TMTC4: variants seen among roughly 807,000 people sequenced by gnomAD.
TMTC4 encodes the protein transmembrane O-mannosyltransferase targeting cadherins 4.
Under a neutral mutation model 86.0 loss-of-function variants are expected in TMTC4, and 65 were observed. The ratio of observed to expected loss-of-function variants is 0.76; its 90% CI spans 0.62 to 0.93. The LOEUF is 0.93. TMTC4 is among the 40% of genes least tolerant of loss of function. TMTC4 has a pLI of 0.00. For synonymous variants in TMTC4, 379 were observed against 382.5 expected, an observed-to-expected ratio of 0.99 and a Z score of 0.11; for missense variants, 866 against 948.1, an observed-to-expected ratio of 0.91 and a Z score of 1.14.
At position 100,655,114 on chromosome 13, in the gene TMTC4, C is replaced by T. The variant is rs561824128; in HGVS notation, c.640+1267G>A. 2.3e-3 allele frequency among the ~76,000 whole-genome samples: 346 copies of T among 151,484 alleles called. 3 individuals are homozygous for T. Among genetic ancestry groups the T allele is most frequent in the Non-Finnish European group, 2.3e-3 (159 of 67,904 alleles). On this transcript the variant is annotated intron_variant, in intron 6 of 18. Coordinates refer to ENST00000342624, the MANE Select transcript of TMTC4 (RefSeq NM_032813.5). ...TCGGCTCACTGCAGCCTCCGCCTCC[C>T]GGGTTCAAACGATTCTCCTGCCTCA... is the stretch of plus-strand genomic sequence containing the variant.
chr13:100,641,162 C>T (rs992596336), intron 7 of TMTC4, among the ~76,000 whole-genome samples: 6 of 152,200 alleles, frequency 3.9e-5, no homozygotes, highest in African/African-American at 1.4e-4. Flanking sequence ...CTTCAAGGCT[C>T]GAAGTTAAAA....
chr13:100,646,635 G>A (rs1883780343), intron 6 of TMTC4, among the ~76,000 whole-genome samples: 2 of 152,354 alleles, frequency 1.3e-5, no homozygotes, highest in South Asian at 2.1e-4. Flanking sequence ...CCCTTGGGCA[G>A]CGATCCTCCA....
chr13:100,674,501 C>T (rs1371389356), intron 1 of TMTC4: 1 of 900,314 alleles, frequency 1.1e-6, no homozygotes, highest in African/African-American at 1.8e-5. Context: ...GGGCGGGGCG[C>T]GCAGCCTCCA....
intron 3 of TMTC4, among the ~76,000 whole-genome samples, chr13:100,666,327 C>T (rs372921587): frequency 1.4e-4 from 21 of 152,176 alleles, no homozygotes; most frequent in Non-Finnish European, 1.2e-4. Flanking sequence ...TGCCAATGAA[C>T]GGAGGAGTGC....
At chr13:100,674,642 G>A (rs1887610532) in intron 1 of TMTC4, 102 bp downstream of exon 1, 1 of 982,762 alleles carries the variant, frequency 1.0e-6, no homozygotes, top group Non-Finnish European at 1.2e-6. Context: ...CGCCGTGCGG[G>A]GCTCGGGACA....
chr13:100,615,397 T>A (rs1428030191), intron 15 of TMTC4, among the ~76,000 whole-genome samples: 1 of 151,996 alleles, frequency 6.6e-6, no homozygotes, highest in Non-Finnish European at 1.5e-5. Context: ...TGCCTCAGCC[T>A]CCCGAAGTGC....
intron 1 of TMTC4, among the ~76,000 whole-genome samples, chr13:100,672,248 C>T (rs1047782938): frequency 6.6e-6 from 1 of 152,236 alleles, no homozygotes. Flanking sequence ...AGTAGCCCAT[C>T]GGGTGACCTG....
chr13:100,668,106 C>T (rs1886612421), intron 3 of TMTC4, among the ~76,000 whole-genome samples: 1 of 152,150 alleles, frequency 6.6e-6, no homozygotes, highest in Non-Finnish European at 1.5e-5. Context: ...CAGGCTGTCC[C>T]GACAGTCTCG....
chr13:100,668,940 A>G lies in TMTC4; in HGVS notation c.4-146T>C, dbSNP rs567269290. ...TAACAATTTGAAGCTGTGCTTCCCA[A>G]ACTTTAGTGGGCAGAAAAGTCACAT... On this transcript the variant is annotated intron_variant, in intron 2 of 18. Coordinates refer to ENST00000342624, the MANE Select transcript of TMTC4 (RefSeq NM_032813.5). 10 of 874,432 alleles carry G rather than the reference A, an allele frequency of 1.1e-5. No individual in the cohort carries two copies. The African/African-American group carries it at 1.7e-4, about 15-fold the overall frequency. The allele number at this position is 874,432 out of a possible 1,614,324, so 54.2% of individuals were successfully genotyped here.
rs1159708986 is a variant in TMTC4, at chr13:100,637,687, T to C, written c.850A>G (p.Arg284Gly). 6.2e-7 allele frequency: 1 copy of C among 1,613,760 alleles called. No individual in the cohort carries two copies. The highest frequency in any genetic ancestry group is 2.2e-5 in the East Asian group (1 of 44,890). Residue 284 changes from arginine to glycine, a missense_variant, in exon 9 of 19, where the codon AGG (arginine) becomes GGG (glycine). Physicochemically the swap from Arg to Gly is moderately radical, Grantham distance 125. Coordinates refer to ENST00000342624, the MANE Select transcript of TMTC4 (RefSeq NM_032813.5). ...DKSLENLGML[R>G]NGGLLFRMTL... ...ATTCTGAAGAGGAGGCCCCCGTTCC[T>C]GAGCATGCCGAGATTCTGCAAGGAC... is the stretch of plus-strand genomic sequence containing the variant.
intron 10 of TMTC4, among the ~76,000 whole-genome samples, chr13:100,636,203 C>A (rs1882182194): frequency 6.6e-6 from 1 of 152,254 alleles, no homozygotes; most frequent in Non-Finnish European, 1.5e-5. Context: ...ATAATGGGCA[C>A]AACACACATC....
At chr13:100,648,386 A>C (rs1451254832) in intron 6 of TMTC4, among the ~76,000 whole-genome samples, 1 of 152,238 alleles carries the variant, frequency 6.6e-6, no homozygotes, top group Non-Finnish European at 1.5e-5. Context: ...TGGAATTATA[A>C]TTTTGATATA....
At chr13:100,644,403 G>A (rs956817073) in intron 6 of TMTC4, among the ~76,000 whole-genome samples, 18 of 152,054 alleles carry the variant, frequency 1.2e-4, no homozygotes, top group Middle Eastern at 3.4e-3. Context: ...GCGCCCGGCC[G>A]GGAGGCGCTC....
At chr13:100,649,985 T>C (rs920148815) in intron 6 of TMTC4, among the ~76,000 whole-genome samples, 1 of 152,088 alleles carries the variant, frequency 6.6e-6, no homozygotes, top group Admixed American at 6.5e-5. Context: ...CATGGCTCTA[T>C]GTAAGCATCT....
chr13:100,645,439 TAA>T (rs980875724), intron 6 of TMTC4, among the ~76,000 whole-genome samples: 2 of 152,196 alleles, frequency 1.3e-5, no homozygotes, highest in African/African-American at 4.8e-5. Flanking sequence ...CTTCCACAGT[TAA>T]GAGAGCAAAC....
At chr13:100,649,415 T>C (rs1017062167) in intron 6 of TMTC4, among the ~76,000 whole-genome samples, 1 of 152,218 alleles carries the variant, frequency 6.6e-6, no homozygotes, top group Non-Finnish European at 1.5e-5. Context: ...CTCTGTGCTT[T>C]TGTGGCTATG....
rs34960647 is a variant in TMTC4 at position 100,668,216 on chromosome 13, G to GTT, written c.219+361_219+362dup. On this transcript the variant is annotated intron_variant, in intron 3 of 18. Coordinates refer to ENST00000342624, the MANE Select transcript of TMTC4 (RefSeq NM_032813.5). The stretch of plus-strand genomic sequence containing the variant: ...CATCACTGCAGCAAATGCGTGATGG[G>GTT]TTTTTTTTTTTTTTGAACAACTGTG... 5.1e-3 allele frequency: 800 copies of GTT among 157,640 alleles called. 1 individual carries two copies. The highest frequency in any genetic ancestry group is 7.2e-3 in the South Asian group (44 of 6,124). 9.8% of individuals were successfully genotyped at this position (157,640 alleles called of 1,614,324 possible).
At chr13:100,668,539 T>C in intron 3 of TMTC4, 40 bp downstream of exon 3, 2 of 1,582,528 alleles carry the variant, frequency 1.3e-6, no homozygotes, top group South Asian at 2.3e-5. Context: ...GAGACACAGT[T>C]GGGCAGTTAA....
intron 15 of TMTC4, among the ~76,000 whole-genome samples, chr13:100,623,645 G>GTTT (rs58766408): frequency 8.8e-6 from 1 of 113,274 alleles, no homozygotes; most frequent in African/African-American, 3.5e-5. Context: ...GTTGGGTTTT[G>GTTT]TTTTTTTTTT....
Sources: allele counts gnomAD v4.1 joint callset (sites outside exome capture counted in the v4.1 genomes callset), GRCh38; gene constraint gnomAD v4.1.1; transcripts MANE v1.5; gene names NCBI Gene and HGNC (gene_info 2026-07-23, HGNC 2026-07-21).